Variants in NYNRIN observed in about 807,000 individuals in gnomAD.
NYNRIN encodes NYN domain and retroviral integrase containing, also known as protein NYNRIN.
In NYNRIN, 86 loss-of-function variants were observed where a neutral mutation model predicts 146.6. The ratio of observed to expected loss-of-function variants is 0.59; its 90% CI spans 0.49 to 0.70. NYNRIN has a LOEUF of 0.70. NYNRIN is among the 30% of genes least tolerant of loss of function. The pLI is 0.00. For missense variants in NYNRIN, 2,191 were observed against 2,377.7 expected (o/e 0.92, Z 1.63); for synonymous variants, 1,027 against 1,001.3 (o/e 1.03, Z -0.48).
In NYNRIN at chr14:24,399,333, G is replaced by A; in HGVS notation, c.87G>A (p.Leu29=). The A allele has an allele frequency of 6.2e-7, 1 of 1,613,866 alleles. No individual in the cohort carries two copies. The highest frequency in any genetic ancestry group is 8.5e-7 in the Non-Finnish European group (1 of 1,179,844). The change falls in exon 2 of 9, where the codon CTG becomes CTA. Residue 29 remains leucine, a synonymous_variant. Coordinates refer to ENST00000382554, the MANE Select transcript of NYNRIN (RefSeq NM_025081.3). The stretch of plus-strand genomic sequence containing the variant: ...AGCCTCGGGTGCAGCGGCAGCGGCT[G>A]CAAGTGCAGCGCATCTTTAGGGTCA... ...KSKPRVQRQR[L]QVQRIFRVKL...
chr14:24,405,911 C>T (rs2042872702), intron 2 of NYNRIN, among the ~76,000 whole-genome samples: 1 of 151,990 alleles, frequency 6.6e-6, no homozygotes, highest in East Asian at 1.9e-4. Flanking sequence ...CCTGTAATCC[C>T]AGCACTTTAG....
At chr14:24,406,773 G>A (rs1457001474) in intron 2 of NYNRIN, among the ~76,000 whole-genome samples, 1 of 152,192 alleles carries the variant, frequency 6.6e-6, no homozygotes, top group Non-Finnish European at 1.5e-5. Context: ...AGGGGCATGG[G>A]GGCATATGAA....
chr14:24,404,435 C>G (rs2042864324), intron 2 of NYNRIN, among the ~76,000 whole-genome samples: 1 of 152,218 alleles, frequency 6.6e-6, no homozygotes, highest in Non-Finnish European at 1.5e-5. Flanking sequence ...TTTGTTACCT[C>G]TCTGAGGATA....
In NYNRIN at chr14:24,409,234, G is replaced by A; in HGVS notation, c.1440G>A (p.Gly480=). Residue 480 remains glycine (G), a synonymous_variant, in exon 4 of 9, where the codon GGG becomes GGA. Coordinates refer to ENST00000382554, the MANE Select transcript of NYNRIN (RefSeq NM_025081.3). The part of the protein sequence containing the change: ...DKVSSDLPQI[G]PPLTSTPQLQ... ...TTAGCTCGGATCTCCCACAGATAGG[G>A]CCACCCTTGACCTCTACACCCCAAC... is the stretch of plus-strand genomic sequence containing the variant. 1 of 1,614,000 alleles carries A rather than the reference G, an allele frequency of 6.2e-7. No homozygotes were observed. The highest frequency in any genetic ancestry group is 8.5e-7 in the Non-Finnish European group (1 of 1,179,890).
chr14:24,408,595 A>G (rs1348300822), intron 3 of NYNRIN, 57 bp from the exon 4 acceptor site: 2 of 1,537,986 alleles, frequency 1.3e-6, no homozygotes, highest in African/African-American at 1.4e-5. Context: ...AGGAAATAGT[A>G]ATAGTTTGGG....
chr14:24,409,989 C>T lies in NYNRIN; in HGVS notation c.2195C>T (p.Ala732Val). Residue 732 changes from alanine to valine, a missense_variant, in exon 4 of 9, where the codon GCC (alanine) becomes GTC (valine). Ala to Val is a moderately conservative substitution (Grantham distance 64). Transcript: ENST00000382554. Reference sequence around the variant, plus strand: ...GGTCCCCAGTCCAGTGGCACCTTGGCCCTCAGCAGTAAGCACCAGTTTCAG... The same window carrying T: ...GGTCCCCAGTCCAGTGGCACCTTGGTCCTCAGCAGTAAGCACCAGTTTCAG... ...RQGPQSSGTL[A>V]LSSKHQFQME... 6.2e-7 allele frequency: 1 copy of T among 1,613,738 alleles called. No homozygotes were observed. The highest frequency in any genetic ancestry group is 1.1e-5 in the South Asian group (1 of 91,054).
At chr14:24,403,169 GAAGTGT>G (rs2042855676) in intron 2 of NYNRIN, among the ~76,000 whole-genome samples, 1 of 152,190 alleles carries the variant, frequency 6.6e-6, no homozygotes, top group African/African-American at 2.4e-5. Flanking sequence ...TCGAAGCACT[GAAGTGT>G]ACTATGATTT....
At position 24,415,338 on chromosome 14, in the gene NYNRIN, G is replaced by C; in HGVS notation, c.3589G>C (p.Glu1197Gln). 1.2e-6 allele frequency: 2 copies of C among 1,613,974 alleles called. No homozygotes were observed. ...TACCTCAAAACCCCTCCTCCCTGAT[G>C]AGGAGAGCCAGGGCCCCCAGTCAGG... ...AYTSKPLLPD[E>Q]ESQGPQSGGD... is the part of the protein sequence containing the mutation. Residue 1197 changes from glutamate to glutamine, a missense_variant, in exon 9 of 9, where the codon GAG (glutamate) becomes CAG (glutamine). Physicochemically the swap from Glu to Gln is conservative, Grantham distance 29 (BLOSUM62 2). Transcript: ENST00000382554.
chr14:24,410,174 C>T lies in NYNRIN; in HGVS notation c.2380C>T (p.Arg794Ter). ...GGAACCTGGAAACCAGGGGTTGCGG[C>T]GAGTGGTCATCGATGGCAGCAGTGT... ...SGEPGNQGLR[R>*]VVIDGSSVAM... is the part of the protein sequence containing the mutation. The change falls in exon 4 of 9, where the codon CGA becomes TGA. Residue 794 changes from arginine to a stop codon, truncating the protein, a stop_gained. Transcript: ENST00000382554. LOFTEE classifies it high-confidence loss of function. 3.1e-6 allele frequency: 5 copies of T among 1,608,990 alleles called. No individual in the cohort carries two copies. Among genetic ancestry groups the T allele is most frequent in the Non-Finnish European group, 4.2e-6 (5 of 1,176,582 alleles).
chr14:24,402,629 G>A (rs1409526050), intron 2 of NYNRIN, among the ~76,000 whole-genome samples: 2 of 152,214 alleles, frequency 1.3e-5, no homozygotes, highest in Non-Finnish European at 1.5e-5. Flanking sequence ...TTAAAATTTC[G>A]GGAATTGTGC....
rs939096988 is a variant in NYNRIN at position 24,419,039 on chromosome 14, C to T, written c.*1593C>T. ...CCTTAAACCATTTCTAGCTGTTAAC[C>T]CTGTCCAGAAAAATGATTGAGTGAT... On this transcript the variant is annotated 3_prime_UTR_variant, in exon 9 of 9. Transcript: ENST00000382554. 1 of 152,130 alleles carries T rather than the reference C, an allele frequency of 6.6e-6. No homozygotes were observed. The highest frequency in any genetic ancestry group is 1.9e-4 in the East Asian group (1 of 5,202). 9.4% of individuals were successfully genotyped at this position (152,130 alleles called of 1,614,324 possible).
chr14:24,417,259 T>C lies in NYNRIN; in HGVS notation c.5510T>C (p.Leu1837Pro), dbSNP rs1566488936. The change falls in exon 9 of 9, where the codon CTC becomes CCC. Residue 1837 changes from leucine to proline, a missense_variant. By Grantham distance (98) the Leu-to-Pro change is moderately conservative. Coordinates refer to ENST00000382554, the MANE Select transcript of NYNRIN (RefSeq NM_025081.3). ...GGTGACCAGGTCCTTTTGCTGTCCC[T>C]CCCCAGGAATGGCAGCAGTGCCAAA... is the stretch of plus-strand genomic sequence containing the variant. ...NVGDQVLLLS[L>P]PRNGSSAKWV... 4.3e-6 allele frequency: 7 copies of C among 1,614,024 alleles called. No individual in the cohort carries two copies. The highest frequency in any genetic ancestry group is 5.9e-6 in the Non-Finnish European group (7 of 1,179,892).
At position 24,416,513 on chromosome 14, in the gene NYNRIN, C is replaced by T. The variant is rs547954584; in HGVS notation, c.4764C>T (p.Phe1588=). 1.2e-6 allele frequency: 2 copies of T among 1,613,808 alleles called. No homozygotes were observed. Among genetic ancestry groups the T allele is most frequent in the South Asian group, 2.2e-5 (2 of 91,066 alleles). ...HVKDYCRSCL[F]CIPRNLIGSE... ...AAGATTACTGCAGGAGCTGCTTGTTCTGCATCCCCCGAAATCTCATAGGCA... is the reference window on the plus strand; with the variant it reads ...AAGATTACTGCAGGAGCTGCTTGTTTTGCATCCCCCGAAATCTCATAGGCA... The change falls in exon 9 of 9, where the codon TTC becomes TTT. Residue 1588 remains phenylalanine, a synonymous_variant. Coordinates refer to ENST00000382554, the MANE Select transcript of NYNRIN (RefSeq NM_025081.3).
chr14:24,413,195 G>A, intron 7 of NYNRIN, 97 bp downstream of exon 7: 1 of 1,322,480 alleles, frequency 7.6e-7, no homozygotes, highest in Non-Finnish European at 1.1e-6. Context: ...AGGCCTTGGA[G>A]TAGTGCCCAC....
At chr14:24,401,848 G>A (rs1454007690) in intron 2 of NYNRIN, among the ~76,000 whole-genome samples, 1 of 152,168 alleles carries the variant, frequency 6.6e-6, no homozygotes. Context: ...GCTGTCTGAG[G>A]TCCAGCGATC....
In NYNRIN at chr14:24,408,137, A is replaced by T; in HGVS notation, c.467A>T (p.Glu156Val). 6.2e-7 allele frequency: 1 copy of T among 1,607,714 alleles called. No individual in the cohort carries two copies. Among genetic ancestry groups the T allele is most frequent in the East Asian group, 2.2e-5 (1 of 44,844 alleles). The change falls in exon 3 of 9, where the codon GAG (glutamate) becomes GTG (valine). Residue 156 changes from glutamate (E) to valine (V), a missense_variant. By Grantham distance (121) the Glu-to-Val change is moderately radical (BLOSUM62 -2). This residue lies in a region of NYNRIN where 895 missense variants were observed against 941.2 expected (regional missense o/e 0.95). Coordinates refer to ENST00000382554, the MANE Select transcript of NYNRIN (RefSeq NM_025081.3). ...APLLTPRGIWEAEVTRAFGAL... is the reference protein window; with the variant it reads ...APLLTPRGIWVAEVTRAFGAL... ...CTGCTGACCCCCCGGGGGATCTGGGAGGCTGAGGTGACCCGGGCCTTTGGG... is the reference window on the plus strand; with the variant it reads ...CTGCTGACCCCCCGGGGGATCTGGGTGGCTGAGGTGACCCGGGCCTTTGGG...
chr14:24,414,097 C>A (rs182189405), intron 8 of NYNRIN, among the ~76,000 whole-genome samples: 28 of 152,316 alleles, frequency 1.8e-4, no homozygotes, highest in Admixed American at 1.5e-3. Context: ...CAGCAGGGAA[C>A]CTTTGTCAGG....
In NYNRIN at chr14:24,407,911, G is replaced by T. The variant is rs780283437; in HGVS notation, c.241G>T (p.Val81Phe). The change falls in exon 3 of 9, where the codon GTT (valine) becomes TTT (phenylalanine). Residue 81 changes from valine (V) to phenylalanine (F), a missense_variant. Transcript: ENST00000382554. Reference sequence around the variant, plus strand: ...GTGCAGCCCAGAGCTGTGGAAAGAGGTTCGCTACCCACCGATCCTGCACTG... The same window carrying T: ...GTGCAGCCCAGAGCTGTGGAAAGAGTTTCGCTACCCACCGATCCTGCACTG... ...GLCSPELWKE[V>F]RYPPILHCAF... 1.9e-6 allele frequency: 3 copies of T among 1,613,566 alleles called. 1 individual carries two copies.
In NYNRIN at chr14:24,414,692, G is replaced by T. The variant is rs751452109; in HGVS notation, c.2943G>T (p.Gly981=). The change falls in exon 9 of 9, where the codon GGG becomes GGT. Residue 981 remains glycine (G), a synonymous_variant. Coordinates refer to ENST00000382554, the MANE Select transcript of NYNRIN (RefSeq NM_025081.3). The part of the protein sequence containing the change: ...VTELSDDADS[G]PLESLPNMEE... ...AGCTGAGTGATGACGCTGACTCTGG[G>T]CCCCTGGAGAGTCTGCCGAATATGG... 17 of 1,613,668 alleles carry T rather than the reference G, an allele frequency of 1.1e-5. No homozygotes were observed. The South Asian group carries it at 1.6e-4, about 16-fold the overall frequency.
Sources: allele counts gnomAD v4.1 joint callset (sites outside exome capture counted in the v4.1 genomes callset), GRCh38; gene constraint gnomAD v4.1.1; regional missense constraint gnomAD v4.1.1; transcripts MANE v1.5; gene names NCBI Gene and HGNC (gene_info 2026-07-23, HGNC 2026-07-21).